Variants in SASH1 observed in about 807,000 individuals in gnomAD.
The protein encoded by SASH1 is SAM and SH3 domain containing 1, also known as SAM and SH3 domain-containing protein 1.
A neutral mutation model predicts 125.2 loss-of-function variants in SASH1; 44 were observed. That is an observed-to-expected ratio of 0.35 (90% CI 0.28 to 0.45). SASH1 has a LOEUF of 0.45. Ranked by LOEUF, SASH1 falls within the 20% of genes least tolerant of loss-of-function variation. The pLI, the probability that SASH1 is intolerant of heterozygous loss-of-function variation, is 1.00. For synonymous variants in SASH1, 639 were observed against 649.1 expected (o/e 0.98, Z 0.24); for missense variants, 1,426 against 1,614.5 (o/e 0.88, Z 2.00).
rs776342522 is a variant in SASH1 at position 148,544,569 on chromosome 6, C to T, written c.3099C>T (p.Ser1033=). ...GCCCCGCCAGCCCCACCAGCCCTAG[C>T]GACTGTCCCCCAGCACTGGCTCCCA... The part of the protein sequence containing the change: ...RGSPASPTSP[S]DCPPALAPRP... The change falls in exon 18 of 20, where the codon AGC becomes AGT. Residue 1033 remains serine (S), a synonymous_variant. Coordinates refer to ENST00000367467, the MANE Select transcript of SASH1 (RefSeq NM_015278.5). The surrounding 1 kb of genome is among the most constrained non-coding windows in gnomAD (Gnocchi z 6.4). 5.0e-6 allele frequency: 8 copies of T among 1,613,116 alleles called. No individual in the cohort carries two copies. Among genetic ancestry groups the T allele is most frequent in the African/African-American group, 2.7e-5 (2 of 74,918 alleles).
chr6:148,542,991 A>T (rs538095284), intron 17 of SASH1, among the ~76,000 whole-genome samples: 1 of 152,344 alleles, frequency 6.6e-6, no homozygotes, highest in East Asian at 1.9e-4. Context: ...AGTATCAACT[A>T]CCAGTCGTCA....
the SASH1 span, among the ~76,000 whole-genome samples, chr6:148,238,900 C>T: frequency 2.0e-5 from 3 of 152,258 alleles, no homozygotes; most frequent in Admixed American, 2.0e-4. Context: ...CCAAAAGTCA[C>T]TCTGGGATAC....
chr6:148,221,808 G>A, the SASH1 span, among the ~76,000 whole-genome samples: 44 of 152,344 alleles, frequency 2.9e-4, no homozygotes, highest in Admixed American at 5.2e-4. Context: ...GACAGGAGAA[G>A]TTCAAGTCCA....
the SASH1 span, among the ~76,000 whole-genome samples, chr6:148,265,197 T>C: frequency 6.6e-6 from 1 of 152,100 alleles, no homozygotes; most frequent in Non-Finnish European, 1.5e-5. Context: ...GTAGTCCCAG[T>C]TGCTTCAGAG....
intron 1 of SASH1, among the ~76,000 whole-genome samples, chr6:148,293,677 C>T (rs567769149): frequency 1.3e-5 from 2 of 152,254 alleles, no homozygotes; most frequent in Non-Finnish European, 2.9e-5. Context: ...TTTTCTACAA[C>T]CCACATGCCA....
intron 2 of SASH1, among the ~76,000 whole-genome samples, chr6:148,424,151 C>T (rs1775700694): frequency 6.6e-6 from 1 of 151,754 alleles, no homozygotes; most frequent in African/African-American, 2.4e-5. Flanking sequence ...CTCCCCCATC[C>T]TTTTTAATAA....
At chr6:148,339,631 A>G (rs1470574881), upstream of SASH1, among the ~76,000 whole-genome samples, 1 of 151,886 alleles carries the variant, frequency 6.6e-6, no homozygotes, top group African/African-American at 2.4e-5. Context: ...TGCAACCTCC[A>G]CTTCCCAGGT....
At chr6:148,270,569 A>G (rs1779038894), upstream of SASH1, among the ~76,000 whole-genome samples, 1 of 152,090 alleles carries the variant, frequency 6.6e-6, no homozygotes, top group South Asian at 2.1e-4. Context: ...TTCAGATCCA[A>G]TTTTTTGGCT....
intron 4 of SASH1, among the ~76,000 whole-genome samples, chr6:148,466,859 G>A (rs974737416): frequency 5.9e-5 from 9 of 151,826 alleles, no homozygotes; most frequent in African/African-American, 1.9e-4. Flanking sequence ...CCACTTTCTT[G>A]TCTTCCCTAG....
At chr6:148,545,368 G>T (rs1449383954) in intron 18 of SASH1, among the ~76,000 whole-genome samples, 1 of 152,176 alleles carries the variant, frequency 6.6e-6, no homozygotes, top group Non-Finnish European at 1.5e-5. Context: ...GACAATGAAT[G>T]CCTTAGAATC....
Position 148,343,146 on chromosome 6 carries a change from C to G in SASH1, c.79C>G (p.Pro27Ala), listed in dbSNP as rs200427643. The G allele has an allele frequency of 9.3e-4, 1,490 of 1,598,850 alleles. 1 individual carries two copies. Among genetic ancestry groups the G allele is most frequent in the Non-Finnish European group, 1.2e-3 (1,375 of 1,178,810 alleles). ...PEPEPEPAPEPEPEPKPGAGT... is the reference protein window; with the variant it reads ...PEPEPEPAPEAEPEPKPGAGT... Reference sequence around the variant, plus strand: ...GCCGGAGCCCGAGCCCGCGCCGGAGCCGGAACCGGAGCCCAAGCCGGGTGC... The same window carrying G: ...GCCGGAGCCCGAGCCCGCGCCGGAGGCGGAACCGGAGCCCAAGCCGGGTGC... The change falls in exon 1 of 20, where the codon CCG becomes GCG. Residue 27 changes from proline (P) to alanine (A), a missense_variant. By Grantham distance (27) the Pro-to-Ala change is conservative (BLOSUM62 -1). Transcript: ENST00000367467.
At chr6:148,205,183 C>T in the SASH1 span, among the ~76,000 whole-genome samples, 2 of 152,182 alleles carry the variant, frequency 1.3e-5, no homozygotes, top group Non-Finnish European at 2.9e-5. Flanking sequence ...ATTCGCCTCG[C>T]TCGGCAACAA....
rs147823498 is a variant in SASH1 at position 148,358,732 on chromosome 6, TG to T, written c.156+15510del. On this transcript the variant is annotated intron_variant, in intron 1 of 19. Coordinates refer to ENST00000367467, the MANE Select transcript of SASH1 (RefSeq NM_015278.5). ...TTCCTGTTTCCTAATGCCATGTTTT[TG>T]TTTTTTTTTTTTTTTTTTTTGAGAC... Among the ~76,000 whole-genome samples, 162 of 126,012 alleles carry T rather than the reference TG, an allele frequency of 1.3e-3. 7 individuals carry two copies. The highest frequency in any genetic ancestry group is 3.8e-3 in the Middle Eastern group (1 of 262). The allele number at this position is 126,012 out of a possible 152,430, so 82.7% of individuals were successfully genotyped here. A position where few individuals can be genotyped will look rare whatever the true frequency, so the allele number is the denominator to read the frequency against.
chr6:148,499,949 T>G (rs1223772808), intron 8 of SASH1, among the ~76,000 whole-genome samples: 3 of 152,196 alleles, frequency 2.0e-5, no homozygotes, highest in African/African-American at 7.2e-5. Flanking sequence ...CTCATTTAAT[T>G]GAATTCACGT....
intron 1 of SASH1, among the ~76,000 whole-genome samples, chr6:148,378,114 CA>C (rs1782983882): frequency 6.7e-6 from 1 of 149,814 alleles, no homozygotes; most frequent in South Asian, 2.2e-4. Flanking sequence ...TGCAGTGGCG[CA>C]ATCTTGGCTC....
At chr6:148,493,196 G>A (rs1164414844) in intron 8 of SASH1, among the ~76,000 whole-genome samples, 2 of 152,204 alleles carry the variant, frequency 1.3e-5, no homozygotes, top group African/African-American at 2.4e-5. Flanking sequence ...TGGTCATGCT[G>A]TTCAGAGCTA....
chr6:148,315,302 T>C (rs1212488513), intron 1 of SASH1, among the ~76,000 whole-genome samples: 2 of 152,210 alleles, frequency 1.3e-5, no homozygotes, highest in Non-Finnish European at 2.9e-5. Flanking sequence ...ACTCATGGTG[T>C]TTAGTTCTTT....
the SASH1 span, among the ~76,000 whole-genome samples, chr6:148,203,339 T>C: frequency 6.6e-6 from 1 of 152,212 alleles, no homozygotes; most frequent in Non-Finnish European, 1.5e-5. Context: ...CGTGTCTTCA[T>C]TCACTCTCTT....
upstream of SASH1, among the ~76,000 whole-genome samples, chr6:148,270,664 T>G (rs554809125): frequency 2.0e-5 from 3 of 150,500 alleles, no homozygotes; most frequent in Non-Finnish European, 3.0e-5. Context: ...CTAGTGGCAG[T>G]TAGTGATTAC....
Sources: gnomAD v4.1 joint callset for allele counts (sites outside exome capture counted in the v4.1 genomes callset) on GRCh38, gnomAD v4.1.1 for gene constraint, Gnocchi (gnomAD v3.1) non-coding constraint, MANE v1.5 for transcripts, NCBI Gene and HGNC (gene_info 2026-07-23, HGNC 2026-07-21) for gene names.